Variants in ZNF81 observed in about 807,000 individuals in gnomAD.
ZNF81 encodes the protein zinc finger protein 81 (HFZ20).
In ZNF81, 5 loss-of-function variants were observed where a neutral mutation model predicts 32.3. The observed-to-expected ratio is 0.15, with a 90% CI of 0.08 to 0.33. The LOEUF is 0.33. Among genes scored for constraint, ZNF81 ranks in the 10% least tolerant of loss-of-function variants. The pLI is 1.00. For synonymous variants in ZNF81, 163 were observed against 166.8 expected (o/e 0.98, Z 0.17); for missense variants, 379 against 479.8 (o/e 0.79, Z 1.96).
At position 47,916,340 on chromosome X, in the gene ZNF81, A is replaced by G. The variant is rs2058756802; in HGVS notation, c.1694A>G (p.Gln565Arg). 1.7e-6 allele frequency: 2 copies of G among 1,210,146 alleles called. No individual in the cohort carries two copies. The highest frequency in any genetic ancestry group is 3.5e-5 in the African/African-American group (2 of 57,217). Reference sequence around the variant, plus strand: ...GCTGATTGTGGGAGGGCCTTCATCCAGAAGTCAGAGTTGATTACACATCAG... The same window carrying G: ...GCTGATTGTGGGAGGGCCTTCATCCGGAAGTCAGAGTTGATTACACATCAG... ...VCADCGRAFIQKSELITHQRI... is the reference protein window; with the variant it reads ...VCADCGRAFIRKSELITHQRI... Residue 565 changes from glutamine (Q) to arginine (R), a missense_variant, in exon 5 of 5, where the codon CAG becomes CGG. By Grantham distance (43) the Gln-to-Arg change is conservative. Coordinates refer to ENST00000338637, the MANE Select transcript of ZNF81 (RefSeq NM_007137.5).
intron 1 of ZNF81, among the ~76,000 whole-genome samples, chrX:47,837,629 C>T (rs1186807927): frequency 4.5e-5 from 5 of 112,008 alleles, no homozygotes; most frequent in African/African-American, 1.6e-4. Flanking sequence ...TATCTTTCCT[C>T]CATTGACTTG....
Position 47,918,405 on chromosome X carries a change from T to C in ZNF81, c.*1773T>C, listed in dbSNP as rs1401440374. 1 of 111,196 alleles carries C rather than the reference T, an allele frequency of 9.0e-6. No homozygotes were observed. Among genetic ancestry groups the C allele is most frequent in the African/African-American group, 3.3e-5 (1 of 30,560 alleles). 9.2% of individuals were successfully genotyped at this position (111,196 alleles called of 1,213,427 possible). On this transcript the variant is annotated 3_prime_UTR_variant, in exon 5 of 5. Transcript: ENST00000338637. ...AGCTAAACTTAAGGGCTTCTAAAAA[T>C]CTTCATGACGTTGTCCCATAGAAGC...
At chrX:47,848,207 G>A (rs1034675059) in intron 2 of ZNF81, among the ~76,000 whole-genome samples, 2 of 112,081 alleles carry the variant, frequency 1.8e-5, no homozygotes, top group Non-Finnish European at 3.8e-5. Flanking sequence ...GAGCCACCAT[G>A]CCCGGCCTAG....
chrX:47,905,523 T>C (rs2058718365), intron 4 of ZNF81, among the ~76,000 whole-genome samples: 1 of 109,296 alleles, frequency 9.1e-6, no homozygotes, highest in Non-Finnish European at 1.9e-5. Flanking sequence ...AAAATTGGCC[T>C]ATCTTGATTT....
intron 2 of ZNF81, among the ~76,000 whole-genome samples, chrX:47,852,902 C>T (rs1293771716): frequency 8.9e-6 from 1 of 112,608 alleles, no homozygotes; most frequent in Non-Finnish European, 1.9e-5. Context: ...CAGCTATAGT[C>T]TTACAAAACG....
intron 3 of ZNF81, among the ~76,000 whole-genome samples, chrX:47,892,581 C>T (rs1424722768): frequency 8.9e-6 from 1 of 112,034 alleles, no homozygotes; most frequent in African/African-American, 3.2e-5. Flanking sequence ...TTTAGCCAAC[C>T]AGCCAACCAA....
chrX:47,881,202 G>T (rs782213446), intron 2 of ZNF81, among the ~76,000 whole-genome samples: 3 of 111,683 alleles, frequency 2.7e-5, no homozygotes, highest in East Asian at 2.8e-4. Context: ...CAAATAACTC[G>T]CAATCTTCCT....
intron 1 of ZNF81, among the ~76,000 whole-genome samples, chrX:47,837,562 G>A (rs2058430473): frequency 1.8e-5 from 2 of 111,957 alleles, no homozygotes; most frequent in African/African-American, 6.5e-5. Flanking sequence ...GACTTAGGTC[G>A]AGGTGCATTA....
intron 2 of ZNF81, among the ~76,000 whole-genome samples, chrX:47,881,391 A>G (rs2058620172): frequency 9.0e-6 from 1 of 111,566 alleles, no homozygotes; most frequent in Admixed American, 9.5e-5. Context: ...TACTTTCTCT[A>G]ACAAATCTGC....
intron 4 of ZNF81, among the ~76,000 whole-genome samples, chrX:47,901,197 A>G (rs1452110293): frequency 8.9e-6 from 1 of 111,886 alleles, no homozygotes; most frequent in Non-Finnish European, 1.9e-5. Context: ...TTACTTCTCC[A>G]TACTGGAAGT....
intron 3 of ZNF81, among the ~76,000 whole-genome samples, chrX:47,890,970 C>T (rs943424050): frequency 8.9e-6 from 1 of 111,830 alleles, no homozygotes; most frequent in Non-Finnish European, 1.9e-5. Flanking sequence ...ATAAGTCTAG[C>T]GTAGTTGCTG....
At chrX:47,908,005 A>C (rs2058726722) in intron 4 of ZNF81, among the ~76,000 whole-genome samples, 1 of 111,716 alleles carries the variant, frequency 9.0e-6, no homozygotes, top group Non-Finnish European at 1.9e-5. Context: ...GTTCTTTTGA[A>C]GGAAATAAAG....
rs1207465982 is a variant in ZNF81 at position 47,916,796 on chromosome X, ACT to A, written c.*169_*170del. 2 of 505,503 alleles carry A rather than the reference ACT, an allele frequency of 4.0e-6. No homozygotes were observed. Among genetic ancestry groups the A allele is most frequent in the Non-Finnish European group, 5.9e-6 (2 of 340,386 alleles). 41.7% of individuals were successfully genotyped at this position (505,503 alleles called of 1,213,427 possible). On this transcript the variant is annotated 3_prime_UTR_variant, in exon 5 of 5. Coordinates refer to ENST00000338637, the MANE Select transcript of ZNF81 (RefSeq NM_007137.5). ...GATGGAAAAAAATTATTCAGAAGAA[ACT>A]CTCTTAAAAATGCATTGAAGGAGAG...
At chrX:47,859,046 C>T (rs1231992192) in intron 2 of ZNF81, among the ~76,000 whole-genome samples, 5 of 107,858 alleles carry the variant, frequency 4.6e-5, no homozygotes, top group African/African-American at 1.4e-4. Context: ...GAGGCAAGAT[C>T]GCACTATTGC....
chrX:47,886,885 A>T (rs1355972962), intron 2 of ZNF81, among the ~76,000 whole-genome samples: 5 of 111,585 alleles, frequency 4.5e-5, no homozygotes, highest in Non-Finnish European at 5.6e-5. Context: ...GTATCTTTAG[A>T]TAGTTTTTAA....
At chrX:47,874,353 A>C (rs2058591430) in intron 2 of ZNF81, among the ~76,000 whole-genome samples, 1 of 112,194 alleles carries the variant, frequency 8.9e-6, no homozygotes, top group Non-Finnish European at 1.9e-5. Flanking sequence ...CTATTGTGAC[A>C]GGTCATCTTC....
chrX:47,890,742 A>G (rs1556886366), intron 3 of ZNF81, among the ~76,000 whole-genome samples: 1 of 111,833 alleles, frequency 8.9e-6, no homozygotes, highest in Non-Finnish European at 1.9e-5. Flanking sequence ...CAAATCAGGA[A>G]TGTGTTACCT....
intron 4 of ZNF81, among the ~76,000 whole-genome samples, chrX:47,897,908 C>G (rs1393510559): frequency 9.0e-6 from 1 of 111,570 alleles, no homozygotes; most frequent in African/African-American, 3.3e-5. Context: ...TTCGATGAAG[C>G]CAACAGATCA....
chrX:47,893,936 T>C (rs1351574377), intron 3 of ZNF81, among the ~76,000 whole-genome samples: 2 of 111,943 alleles, frequency 1.8e-5, no homozygotes, highest in African/African-American at 6.5e-5. Flanking sequence ...ATACTTCAGA[T>C]TCTGAGTGAG....
Sources: allele counts gnomAD v4.1 joint callset (sites outside exome capture counted in the v4.1 genomes callset), GRCh38; gene constraint gnomAD v4.1.1; transcripts MANE v1.5; gene names NCBI Gene and HGNC (gene_info 2026-07-23, HGNC 2026-07-21).